KLHL32: variants seen among roughly 807,000 people sequenced by gnomAD.
KLHL32 encodes the protein kelch like family member 32.
In KLHL32, 35 loss-of-function variants were observed where a neutral mutation model predicts 64.8. The observed-to-expected ratio is 0.54, with a 90% CI of 0.41 to 0.72. The LOEUF is 0.72. Among genes scored for constraint, KLHL32 ranks in the 30% least tolerant of loss-of-function variants. The pLI is 0.00. For missense variants in KLHL32, 589 were observed against 768.5 expected, an observed-to-expected ratio of 0.77 and a Z score of 2.76; for synonymous variants, 259 against 281.0, an observed-to-expected ratio of 0.92 and a Z score of 0.78.
intron 3 of KLHL32, among the ~76,000 whole-genome samples, chr6:97,035,500 C>T (rs920422303): frequency 6.6e-6 from 1 of 152,072 alleles, no homozygotes; most frequent in Admixed American, 6.5e-5. Flanking sequence ...CCCCCTTAGC[C>T]ATTTTGTGTA....
At chr6:97,104,235 C>A (rs1236917464) in intron 6 of KLHL32, among the ~76,000 whole-genome samples, 1 of 152,144 alleles carries the variant, frequency 6.6e-6, no homozygotes, top group Admixed American at 6.5e-5. Flanking sequence ...TTCATGCACC[C>A]CCACTAAATA....
chr6:96,905,724 TATA>T, the KLHL32 span, among the ~76,000 whole-genome samples: 2 of 152,338 alleles, frequency 1.3e-5, no homozygotes, highest in South Asian at 2.1e-4. Context: ...AAAATACTAA[TATA>T]ATAGGAAACA....
chr6:96,906,580 T>A, the KLHL32 span, among the ~76,000 whole-genome samples: 1 of 152,178 alleles, frequency 6.6e-6, no homozygotes, highest in Non-Finnish European at 1.5e-5. Context: ...AAGGTGCTGT[T>A]ATTCTCATCC....
intron 6 of KLHL32, among the ~76,000 whole-genome samples, chr6:97,102,028 G>A (rs116856639): frequency 5.9e-5 from 9 of 152,246 alleles, no homozygotes; most frequent in Non-Finnish European, 1.3e-4. Flanking sequence ...ATGTCTGATC[G>A]CATTCAGTCT....
At chr6:96,990,090 A>T (rs1777664780) in intron 3 of KLHL32, among the ~76,000 whole-genome samples, 1 of 152,132 alleles carries the variant, frequency 6.6e-6, no homozygotes, top group African/African-American at 2.4e-5. Flanking sequence ...TCTGTCTGTC[A>T]TTTCAGCCAT....
intron 3 of KLHL32, among the ~76,000 whole-genome samples, chr6:97,013,969 T>C (rs1051629098): frequency 6.6e-6 from 1 of 152,198 alleles, no homozygotes; most frequent in African/African-American, 2.4e-5. Flanking sequence ...TAGGGGTTTG[T>C]GCACCCCTGA....
intron 6 of KLHL32, among the ~76,000 whole-genome samples, chr6:97,102,886 T>C (rs1013536669): frequency 6.6e-6 from 1 of 152,086 alleles, no homozygotes; most frequent in African/African-American, 2.4e-5. Context: ...AGGTTTCTTA[T>C]ATAGGTAAAC....
chr6:97,025,770 G>A (rs936807011), intron 3 of KLHL32, among the ~76,000 whole-genome samples: 4 of 152,122 alleles, frequency 2.6e-5, no homozygotes, highest in African/African-American at 9.7e-5. Flanking sequence ...GCCTTGAACC[G>A]TTTGCTTAAT....
At chr6:96,983,989 T>A (rs1293490598) in intron 3 of KLHL32, among the ~76,000 whole-genome samples, 1 of 152,182 alleles carries the variant, frequency 6.6e-6, no homozygotes, top group African/African-American at 2.4e-5. Flanking sequence ...CAATTTTAGA[T>A]CTCTCCTGCT....
At position 96,958,107 on chromosome 6, in the gene KLHL32, C is replaced by A. The variant is rs556224466; in HGVS notation, c.-65-8889C>A. Reference sequence around the variant, plus strand: ...ATCCAAACTGGGAAACAAAAGAGAACAAATGGGATGTGATTAGTAAATTGC... The same window carrying A: ...ATCCAAACTGGGAAACAAAAGAGAAAAAATGGGATGTGATTAGTAAATTGC... On this transcript the variant is annotated intron_variant, in intron 1 of 10. Transcript: ENST00000369261. Among the ~76,000 whole-genome samples, 18 of 152,212 alleles carry A rather than the reference C, an allele frequency of 1.2e-4. No individual in the cohort carries two copies. The South Asian group carries it at 1.5e-3, about 12-fold the overall frequency.
chr6:97,087,978 C>G (rs1263056696), intron 6 of KLHL32, among the ~76,000 whole-genome samples: 1 of 152,092 alleles, frequency 6.6e-6, no homozygotes, highest in African/African-American at 2.4e-5. Context: ...CAAGATGATG[C>G]CTTGGAACTG....
chr6:96,941,246 G>A (rs1771245271), intron 1 of KLHL32, among the ~76,000 whole-genome samples: 1 of 152,188 alleles, frequency 6.6e-6, no homozygotes, highest in African/African-American at 2.4e-5. Flanking sequence ...AATAAAGATA[G>A]TGAAAAAGGT....
intron 3 of KLHL32, among the ~76,000 whole-genome samples, chr6:97,013,887 A>G (rs181757887): frequency 5.3e-5 from 8 of 152,318 alleles, no homozygotes; most frequent in Admixed American, 4.6e-4. Flanking sequence ...AAAGGGATAA[A>G]TGCTCATTTT....
chr6:96,924,392 G>A (rs1209614), upstream of KLHL32, among the ~76,000 whole-genome samples: 1 of 150,670 alleles, frequency 6.6e-6, no homozygotes, highest in South Asian at 2.1e-4. Flanking sequence ...CGCAGGTGCC[G>A]GAGAGCGAGG....
chr6:97,066,368 G>A (rs940914194), intron 5 of KLHL32, among the ~76,000 whole-genome samples: 2 of 152,158 alleles, frequency 1.3e-5, no homozygotes, highest in African/African-American at 4.8e-5. Context: ...GAACATTAAA[G>A]GTCCATGGGT....
At chr6:97,018,931 T>C (rs545585792) in intron 3 of KLHL32, among the ~76,000 whole-genome samples, 3 of 152,318 alleles carry the variant, frequency 2.0e-5, no homozygotes, top group South Asian at 2.1e-4. Flanking sequence ...ACAGATCATA[T>C]AGATTTTTTT....
At chr6:96,987,103 C>T (rs552961273) in intron 3 of KLHL32, among the ~76,000 whole-genome samples, 32 of 152,104 alleles carry the variant, frequency 2.1e-4, no homozygotes, top group African/African-American at 6.7e-4. Context: ...TCTCTCTTTT[C>T]TTCTTTATTA....
At chr6:96,989,204 A>G (rs963716202) in intron 3 of KLHL32, among the ~76,000 whole-genome samples, 1 of 152,170 alleles carries the variant, frequency 6.6e-6, no homozygotes, top group Non-Finnish European at 1.5e-5. Context: ...TCAGTGGCCT[A>G]TATACATAAG....
chr6:97,044,496 G>A (rs567169144), intron 4 of KLHL32, among the ~76,000 whole-genome samples: 1 of 151,934 alleles, frequency 6.6e-6, no homozygotes. Context: ...TCTGGCTTTG[G>A]TATCAGAATA....
Sources: gnomAD v4.1 joint callset for allele counts (sites outside exome capture counted in the v4.1 genomes callset) on GRCh38, gnomAD v4.1.1 for gene constraint, MANE v1.5 for transcripts, NCBI Gene and HGNC (gene_info 2026-07-23, HGNC 2026-07-21) for gene names.